Variants in PTPRD observed in about 807,000 individuals in gnomAD.
PTPRD encodes protein tyrosine phosphatase receptor type D, also known as receptor-type tyrosine-protein phosphatase delta.
In PTPRD, 34 loss-of-function variants were observed where a neutral mutation model predicts 214.5. The ratio of observed to expected loss-of-function variants is 0.16; its 90% CI spans 0.12 to 0.21. The LOEUF (loss-of-function observed/expected upper bound fraction) is 0.21. PTPRD is among the 10% of genes least tolerant of loss of function. The probability of loss-of-function intolerance (pLI) is 1.00; values close to 1 mark genes in which losing one functional copy is unlikely to be tolerated. For synonymous variants in PTPRD, 1,128 were observed against 845.7 expected (o/e 1.33, Z -5.79); for missense variants, 2,545 against 2,398.7 (o/e 1.06, Z -1.27).
intron 3 of PTPRD, among the ~76,000 whole-genome samples, chr9:10,243,483 A>G (rs956018790): frequency 2.6e-5 from 4 of 152,002 alleles, no homozygotes; most frequent in African/African-American, 9.7e-5. Context: ...TTATGGTTTG[A>G]GTCGTCATCA....
At chr9:9,140,830 A>G (rs1406473141) in intron 10 of PTPRD, among the ~76,000 whole-genome samples, 4 of 152,240 alleles carry the variant, frequency 2.6e-5, no homozygotes, top group South Asian at 2.1e-4. Context: ...TGCCCGCCTC[A>G]GCCTCCCAAA....
At chr9:8,985,744 G>C (rs1488749932) in intron 11 of PTPRD, among the ~76,000 whole-genome samples, 1 of 151,734 alleles carries the variant, frequency 6.6e-6, no homozygotes, top group East Asian at 1.9e-4. Flanking sequence ...TATATGCTTT[G>C]ATTAAATTTC....
intron 3 of PTPRD, among the ~76,000 whole-genome samples, chr9:10,300,304 C>T (rs1022562211): frequency 6.6e-6 from 1 of 152,108 alleles, no homozygotes; most frequent in Non-Finnish European, 1.5e-5. Flanking sequence ...GCCACCAGGG[C>T]CCTGGGTTTC....
intron 8 of PTPRD, among the ~76,000 whole-genome samples, chr9:9,573,700 C>T (rs2087360050): frequency 6.6e-6 from 1 of 151,662 alleles, no homozygotes; most frequent in Non-Finnish European, 1.5e-5. Context: ...AATAATTTCT[C>T]CAAATTTCTC....
intron 12 of PTPRD, among the ~76,000 whole-genome samples, chr9:8,731,459 C>T (rs2098657954): frequency 6.6e-6 from 1 of 152,112 alleles, no homozygotes; most frequent in South Asian, 2.1e-4. Context: ...AAATCAGTGA[C>T]CCAGGCAATA....
In PTPRD at chr9:9,675,300, A is replaced by G. The variant is rs552269405; in HGVS notation, c.-287+59233T>C. Reference sequence around the variant, plus strand: ...GCAGTAAAAGGACTTTCAGAGTAATATATATTCTTAAATGCTCATAATAAA... The same window carrying G: ...GCAGTAAAAGGACTTTCAGAGTAATGTATATTCTTAAATGCTCATAATAAA... On this transcript the variant is annotated intron_variant, in intron 7 of 45. Transcript: ENST00000381196. Among the ~76,000 whole-genome samples, 392 of 152,014 alleles carry G rather than the reference A, an allele frequency of 2.6e-3. 2 individuals carry two copies. The highest frequency in any genetic ancestry group is 8.6e-3 in the African/African-American group (357 of 41,566).
intron 34 of PTPRD, among the ~76,000 whole-genome samples, chr9:8,437,723 G>C (rs187706088): frequency 1.1e-4 from 16 of 152,292 alleles, no homozygotes; most frequent in Admixed American, 1.0e-3. Context: ...ATTCAGGGAA[G>C]TGAGCAAATG....
chr9:8,501,038 T>C lies in PTPRD; in HGVS notation c.1844A>G (p.Asp615Gly). 6.2e-7 allele frequency: 1 copy of C among 1,613,166 alleles called. No individual in the cohort carries two copies. Among genetic ancestry groups the C allele is most frequent in the South Asian group, 1.1e-5 (1 of 91,036 alleles). ...MQSKPSAPPQDISCTSPSSTS... is the reference protein window; with the variant it reads ...MQSKPSAPPQGISCTSPSSTS... Reference sequence around the variant, plus strand: ...GGAACTTGGGCTGGTGCAACTAATGTCTTGAGGAGGAGCTGACGGCTCTTA... The same window carrying C: ...GGAACTTGGGCTGGTGCAACTAATGCCTTGAGGAGGAGCTGACGGCTCTTA... The change falls in exon 24 of 46, where the codon GAC (aspartate) becomes GGC (glycine). Residue 615 changes from aspartate to glycine, a missense_variant. Asp to Gly is a moderately conservative substitution (Grantham distance 94). Coordinates refer to ENST00000381196, the MANE Select transcript of PTPRD (RefSeq NM_002839.4).
chr9:8,380,563 T>C (rs1304720531), intron 37 of PTPRD, among the ~76,000 whole-genome samples: 2 of 152,218 alleles, frequency 1.3e-5, no homozygotes, highest in East Asian at 3.8e-4. Flanking sequence ...CATTTTTCTA[T>C]AATTACGGAA....
intron 9 of PTPRD, among the ~76,000 whole-genome samples, chr9:9,353,677 C>T (rs1237780898): frequency 6.6e-6 from 1 of 150,986 alleles, no homozygotes; most frequent in Non-Finnish European, 1.5e-5. Context: ...TAAGCATGAG[C>T]ATCAAGTATT....
At chr9:10,605,292 T>C (rs897341222) in intron 2 of PTPRD, among the ~76,000 whole-genome samples, 2 of 151,774 alleles carry the variant, frequency 1.3e-5, no homozygotes, top group Non-Finnish European at 1.5e-5. Flanking sequence ...ATAACATGAG[T>C]CTTGACTGTA....
At chr9:10,265,554 A>G (rs1357006223) in intron 3 of PTPRD, among the ~76,000 whole-genome samples, 1 of 152,208 alleles carries the variant, frequency 6.6e-6, no homozygotes, top group Non-Finnish European at 1.5e-5. Flanking sequence ...GCCAGATAGT[A>G]AACATTTTAA....
intron 12 of PTPRD, among the ~76,000 whole-genome samples, chr9:8,642,343 A>C (rs2096594574): frequency 6.6e-6 from 1 of 152,342 alleles, no homozygotes; most frequent in East Asian, 1.9e-4. Context: ...TTAACTGATT[A>C]ACATTTCCTT....
chr9:9,724,532 GC>G (rs1392017115), intron 7 of PTPRD, among the ~76,000 whole-genome samples: 1 of 152,078 alleles, frequency 6.6e-6, no homozygotes, highest in African/African-American at 2.4e-5. Flanking sequence ...CCTGTATAGA[GC>G]AGCCAACTAT....
chr9:9,630,643 G>A (rs10977894), intron 7 of PTPRD, among the ~76,000 whole-genome samples: 24,030 of 152,178 alleles, frequency 0.16, 2,746 homozygotes, highest in African/African-American at 0.33. Context: ...GAGTCAGTAT[G>A]CAAAATCCGG....
chr9:10,515,698 A>C (rs1194733377), intron 2 of PTPRD, among the ~76,000 whole-genome samples: 1 of 151,976 alleles, frequency 6.6e-6, no homozygotes, highest in Non-Finnish European at 1.5e-5. Flanking sequence ...GAACTTATTC[A>C]TCTTGGCTAA....
chr9:8,924,910 C>T (rs2098859502), intron 11 of PTPRD, among the ~76,000 whole-genome samples: 1 of 152,042 alleles, frequency 6.6e-6, no homozygotes, highest in Non-Finnish European at 1.5e-5. Flanking sequence ...CCTATGAAGC[C>T]ATCATTTACA....
At chr9:8,652,610 G>T (rs754029813) in intron 12 of PTPRD, among the ~76,000 whole-genome samples, 1 of 152,186 alleles carries the variant, frequency 6.6e-6, no homozygotes, top group Admixed American at 6.5e-5. Context: ...GTTGGACTTA[G>T]CTTTAGAAGC....
At chr9:8,737,219 CG>C (rs1453652210) in intron 11 of PTPRD, among the ~76,000 whole-genome samples, 9 of 152,128 alleles carry the variant, frequency 5.9e-5, no homozygotes, top group Non-Finnish European at 1.0e-4. Flanking sequence ...ACTCTAGAAA[CG>C]AATGCAGGTA....
Sources: allele counts gnomAD v4.1 joint callset (sites outside exome capture counted in the v4.1 genomes callset), GRCh38; gene constraint gnomAD v4.1.1; transcripts MANE v1.5; gene names NCBI Gene and HGNC (gene_info 2026-07-23, HGNC 2026-07-21).